PCDHA1: variants seen among roughly 807,000 people sequenced by gnomAD.
The protein encoded by PCDHA1 is protocadherin alpha 1.
In PCDHA1, 42 loss-of-function variants were observed where a neutral mutation model predicts 61.3. The ratio of observed to expected loss-of-function variants is 0.69; its 90% CI spans 0.54 to 0.89. The LOEUF (loss-of-function observed/expected upper bound fraction) is 0.89. Ranked by LOEUF, PCDHA1 falls within the 40% of genes least tolerant of loss-of-function variation. PCDHA1 has a pLI of 0.00. For missense variants in PCDHA1, 1,256 were observed against 1,235.3 expected (o/e 1.02, Z -0.25); for synonymous variants, 610 against 553.8 (o/e 1.10, Z -1.43).
rs939986849 is a variant in PCDHA1, at chr5:140,871,330, G to T, written c.2394+82646G>T. 10 of 1,613,998 alleles carry T rather than the reference G, an allele frequency of 6.2e-6. No homozygotes were observed. Among genetic ancestry groups the T allele is most frequent in the Non-Finnish European group, 8.5e-6 (10 of 1,180,034 alleles). On this transcript the variant is annotated intron_variant, in intron 1 of 3. Transcript: ENST00000504120. The stretch of plus-strand genomic sequence containing the variant: ...GAAGCCCACGCTGGTGTGCTCCCGC[G>T]CGGTGGGGAGCTGGTCATACTCGCA...
intron 1 of PCDHA1, among the ~76,000 whole-genome samples, chr5:140,827,148 G>A (rs1339537792): frequency 6.6e-6 from 1 of 152,156 alleles, no homozygotes; most frequent in African/African-American, 2.4e-5. Flanking sequence ...AAGGGATGCA[G>A]ATATGGATTT....
chr5:140,874,903 C>A (rs543752012), intron 1 of PCDHA1, among the ~76,000 whole-genome samples: 1 of 152,054 alleles, frequency 6.6e-6, no homozygotes, highest in Non-Finnish European at 1.5e-5. Context: ...TAAAATCTTA[C>A]GATGGAGTGC....
At chr5:140,869,732 T>C (rs782783003) in intron 1 of PCDHA1, 2 of 1,613,412 alleles carry the variant, frequency 1.2e-6, no homozygotes, top group Non-Finnish European at 1.7e-6. Flanking sequence ...GAACTTAATT[T>C]GCTGCTAACA....
intron 1 of PCDHA1, chr5:140,882,841 A>G: frequency 6.2e-7 from 1 of 1,614,232 alleles, no homozygotes; most frequent in East Asian, 2.2e-5. Flanking sequence ...AAATGTCTTC[A>G]TTATCACTTG....
At position 140,795,234 on chromosome 5, in the gene PCDHA1, C is replaced by A. The variant is rs1474265282; in HGVS notation, c.2394+6550C>A. The A allele has an allele frequency of 4.3e-6, 7 of 1,614,080 alleles. No homozygotes were observed. In the Admixed American group the frequency reaches 5.0e-5, roughly 12 times the overall value. ...GCATTTTGTTTGTGAATTCTCGGAT[C>A]GACCGGGAGGAGCTGTGCGGGCGGA... On this transcript the variant is annotated intron_variant, in intron 1 of 3. Transcript: ENST00000504120.
intron 3 of PCDHA1, among the ~76,000 whole-genome samples, chr5:140,982,966 G>A (rs1407279371): frequency 6.6e-6 from 1 of 151,986 alleles, no homozygotes; most frequent in African/African-American, 2.4e-5. Flanking sequence ...CCCACCCAAA[G>A]TAGTAAGGAA....
rs199938924 is a variant in PCDHA1, at chr5:140,786,750, A to G, written c.460A>G (p.Ile154Val). The G allele has an allele frequency of 2.7e-5, 43 of 1,614,102 alleles. No homozygotes were observed. The highest frequency in any genetic ancestry group is 6.7e-5 in the Admixed American group (4 of 60,012). ...TAGACTCCTGAATTCGCGTTTTCCG[A>G]TAGAAGGAGCTGCTGATGCAGACAT... ...ESRLLNSRFP[I>V]EGAADADIGA... Residue 154 changes from isoleucine to valine, a missense_variant, in exon 1 of 4, where the codon ATA becomes GTA. Coordinates refer to ENST00000504120, the MANE Select transcript of PCDHA1 (RefSeq NM_018900.4).
intron 1 of PCDHA1, chr5:140,822,281 AC>A (rs1562263769): frequency 1.2e-6 from 2 of 1,614,142 alleles, no homozygotes; most frequent in Non-Finnish European, 1.7e-6. Flanking sequence ...CAATTGAGAT[AC>A]AGGTTAAATC....
intron 1 of PCDHA1, chr5:140,828,727 G>A (rs1769906344): frequency 1.2e-6 from 2 of 1,614,210 alleles, no homozygotes; most frequent in African/African-American, 1.3e-5. Context: ...ACTTATTCCT[G>A]ACAGCCACAG....
chr5:140,822,419 A>C, intron 1 of PCDHA1: 21 of 1,614,096 alleles, frequency 1.3e-5, no homozygotes, highest in Non-Finnish European at 1.8e-5. Flanking sequence ...ATTGCAACTG[A>C]TGGAGGAAAA....
intron 1 of PCDHA1, among the ~76,000 whole-genome samples, chr5:140,971,325 T>C (rs1273585971): frequency 3.9e-5 from 6 of 152,190 alleles, no homozygotes; most frequent in African/African-American, 1.4e-4. Context: ...AGGGAGAAAA[T>C]TATTTCAGAA....
chr5:140,857,802 T>C, intron 1 of PCDHA1: 1 of 1,596,456 alleles, frequency 6.3e-7, no homozygotes, highest in Non-Finnish European at 8.6e-7. Flanking sequence ...CGGTCGGTGG[T>C]TGCGGGTCAC....
intron 1 of PCDHA1, among the ~76,000 whole-genome samples, chr5:140,874,013 A>C (rs2054638776): frequency 6.6e-6 from 1 of 152,248 alleles, no homozygotes; most frequent in Non-Finnish European, 1.5e-5. Flanking sequence ...ACCACTTTTG[A>C]AAATGAAAAA....
chr5:140,804,897 C>A, intron 1 of PCDHA1: 1 of 750,788 alleles, frequency 1.3e-6, no homozygotes, highest in Non-Finnish European at 2.0e-6. Flanking sequence ...CTTCCCCTCA[C>A]TTCCATTTTC....
chr5:140,802,461 G>C lies in PCDHA1; in HGVS notation c.2394+13777G>C, dbSNP rs540789660. 3 of 1,614,214 alleles carry C rather than the reference G, an allele frequency of 1.9e-6. No individual in the cohort carries two copies. In the Admixed American group the frequency reaches 5.0e-5, roughly 27 times the overall value. On this transcript the variant is annotated intron_variant, in intron 1 of 3. Transcript: ENST00000504120. ...GGACCGCGAGAGCGTGTCGGCCTAT[G>C]AGCTGGTGGTGACTGCTCGGGACGG... is the stretch of plus-strand genomic sequence containing the variant.
rs782325875 is a variant in PCDHA1, at chr5:140,979,026, A to T, written c.2453+19A>T. The T allele has an allele frequency of 6.2e-7, 1 of 1,613,490 alleles. No homozygotes were observed. The highest frequency in any genetic ancestry group is 1.1e-5 in the South Asian group (1 of 90,898). On this transcript the variant is annotated intron_variant, in intron 2 of 3. Transcript: ENST00000504120. ...TGCACAGGTATGTATTTCCCTCCTC[A>T]TTCACTCAGAAGTAACCTTAACTTG...
intron 1 of PCDHA1, chr5:140,802,057 C>T: frequency 6.2e-7 from 1 of 1,614,138 alleles, no homozygotes; most frequent in Non-Finnish European, 8.5e-7. Context: ...GACATGTCAG[C>T]AGATATTCTG....
intron 1 of PCDHA1, chr5:140,869,342 A>G (rs782505088): frequency 1.2e-6 from 2 of 1,614,050 alleles, no homozygotes; most frequent in Admixed American, 3.3e-5. Flanking sequence ...GTAAATCTGC[A>G]GAATGGCATT....
In PCDHA1 at chr5:141,007,955, C is replaced by T. The variant is rs192197811; in HGVS notation, c.2543-1672C>T. ...CTAAGCCACCTTTTTGAGAACTGCT[C>T]ATTCTCTGGGTGTCTGTCATGTATA... On this transcript the variant is annotated intron_variant, in intron 3 of 3. Transcript: ENST00000504120. 2.6e-5 allele frequency among the ~76,000 whole-genome samples: 4 copies of T among 152,294 alleles called. No homozygotes were observed. In the East Asian group the frequency reaches 7.7e-4, roughly 29 times the overall value.
Sources: allele counts gnomAD v4.1 joint callset (sites outside exome capture counted in the v4.1 genomes callset), GRCh38; gene constraint gnomAD v4.1.1; transcripts MANE v1.5; gene names NCBI Gene and HGNC (gene_info 2026-07-23, HGNC 2026-07-21).